The following VWC2 variants were observed in gnomAD, a reference collection of about 807,000 sequenced individuals.
VWC2 encodes the protein von Willebrand factor C domain containing 2.
VWC2 carries 14 observed loss-of-function variants against 29.8 expected under a neutral mutation model. The observed-to-expected ratio is 0.47, with a 90% CI of 0.31 to 0.74. The LOEUF (loss-of-function observed/expected upper bound fraction) is 0.74. Ranked by LOEUF, VWC2 falls within the 30% of genes least tolerant of loss-of-function variation. The pLI is 0.05. For synonymous variants in VWC2, 213 were observed against 199.0 expected, an observed-to-expected ratio of 1.07 and a Z score of -0.59; for missense variants, 457 against 459.8, an observed-to-expected ratio of 0.99 and a Z score of 0.05.
chr7:49,870,077 G>T (rs1791078049), intron 3 of VWC2, among the ~76,000 whole-genome samples: 1 of 152,162 alleles, frequency 6.6e-6, no homozygotes, highest in Non-Finnish European at 1.5e-5. Context: ...GTGTAGTACT[G>T]ATTGGGAAGG....
chr7:49,788,882 G>A (rs1291146189), intron 2 of VWC2, among the ~76,000 whole-genome samples: 1 of 148,794 alleles, frequency 6.7e-6, no homozygotes, highest in East Asian at 2.0e-4. Flanking sequence ...GGGGTGTGAG[G>A]GTGTGTGTGG....
intron 3 of VWC2, among the ~76,000 whole-genome samples, chr7:49,882,851 G>A (rs1044584722): frequency 6.6e-6 from 1 of 151,684 alleles, no homozygotes; most frequent in Non-Finnish European, 1.5e-5. Context: ...TGTGTTTTTG[G>A]GTTTTTTTTG....
At chr7:49,788,795 T>A (rs1401337729) in intron 2 of VWC2, among the ~76,000 whole-genome samples, 1 of 143,472 alleles carries the variant, frequency 7.0e-6, no homozygotes, top group African/African-American at 2.6e-5. Flanking sequence ...TGTGGGTGAG[T>A]GTGACTGTGT....
chr7:49,846,179 A>G (rs1455291232), intron 3 of VWC2, among the ~76,000 whole-genome samples: 3 of 152,170 alleles, frequency 2.0e-5, no homozygotes, highest in African/African-American at 2.4e-5. Flanking sequence ...ATATGAATCC[A>G]CCCCATTTCC....
At position 49,920,104 on chromosome 7, in the gene VWC2, G is replaced by A. The variant is rs1793953427; in HGVS notation, c.*7919G>A. On this transcript the variant is annotated 3_prime_UTR_variant, in exon 4 of 4. Coordinates refer to ENST00000340652, the MANE Select transcript of VWC2 (RefSeq NM_198570.5). ...ACAAATCATGTTATTATAATAACCA[G>A]GAGAGAAAATAAAAGGAGACATTAA... The A allele has an allele frequency of 6.6e-6, 1 of 151,634 alleles. No individual in the cohort carries two copies. The highest frequency in any genetic ancestry group is 2.1e-4 in the South Asian group (1 of 4,826). The allele number at this position is 151,634 out of a possible 1,614,324, so 9.4% of individuals were successfully genotyped here.
chr7:49,910,545 G>C (rs890170076), intron 3 of VWC2, among the ~76,000 whole-genome samples: 1 of 151,972 alleles, frequency 6.6e-6, no homozygotes. Flanking sequence ...AGGTAGAGCA[G>C]TTGCTCATAG....
intron 3 of VWC2, among the ~76,000 whole-genome samples, chr7:49,875,956 G>A (rs1424178974): frequency 7.2e-5 from 11 of 152,104 alleles, no homozygotes; most frequent in South Asian, 2.1e-4. Context: ...AGAATGAGTC[G>A]AAGAAATTGG....
At position 49,775,328 on chromosome 7, in the gene VWC2, C is replaced by T; in HGVS notation, c.-103-5C>T. ...GGCTCAGTTGTGCTGCTGTTCTCTC[C>T]GCAGGGACGGCGGCTCCCGGCTGGC... On this transcript the variant is annotated splice_region_variant and splice_polypyrimidine_tract_variant and intron_variant, in intron 1 of 3. Coordinates refer to ENST00000340652, the MANE Select transcript of VWC2 (RefSeq NM_198570.5). 1 of 883,434 alleles carries T rather than the reference C, an allele frequency of 1.1e-6. No individual in the cohort carries two copies. The highest frequency in any genetic ancestry group is 1.5e-6 in the Non-Finnish European group (1 of 659,286). 54.7% of individuals were successfully genotyped at this position (883,434 alleles called of 1,614,324 possible).
intron 3 of VWC2, among the ~76,000 whole-genome samples, chr7:49,824,546 A>G (rs748316219): frequency 3.3e-5 from 5 of 152,136 alleles, no homozygotes; most frequent in East Asian, 3.8e-4. Flanking sequence ...TAACCTTTGC[A>G]TTTTCAGCAT....
chr7:49,822,580 G>T (rs938296451), intron 3 of VWC2, among the ~76,000 whole-genome samples: 2 of 151,936 alleles, frequency 1.3e-5, no homozygotes, highest in Non-Finnish European at 2.9e-5. Flanking sequence ...CTGGGATTAC[G>T]GTCACCCACC....
In VWC2 at chr7:49,776,052, A is replaced by T; in HGVS notation, c.617A>T (p.Gln206Leu). 1.3e-6 allele frequency: 2 copies of T among 1,553,334 alleles called. No individual in the cohort carries two copies. The highest frequency in any genetic ancestry group is 1.7e-6 in the Non-Finnish European group (2 of 1,155,202). Residue 206 changes from glutamine (Q) to leucine (L), a missense_variant, in exon 2 of 4, where the codon CAG becomes CTG. Around this residue, in one of 2 missense-constraint regions of VWC2, gnomAD observed 185 missense variants for 257.1 expected, o/e 0.72. Transcript: ENST00000340652. ...HPRCIHVDTS[Q>L]CCPQCKERKN... Reference sequence around the variant, plus strand: ...CGCTGCATCCACGTCGACACGAGCCAGTGCTGCCCGCAGTGCAAGGAGAGG... The same window carrying T: ...CGCTGCATCCACGTCGACACGAGCCTGTGCTGCCCGCAGTGCAAGGAGAGG...
Position 49,911,381 on chromosome 7 carries a change from C to T in VWC2, c.827-653C>T, listed in dbSNP as rs1277780716. The stretch of plus-strand genomic sequence containing the variant: ...CCTATAGTCCCAGCTACTCTGGAGG[C>T]TGCGGCAGGAGAATCGCTTGAACCC... On this transcript the variant is annotated intron_variant, in intron 3 of 3. Coordinates refer to ENST00000340652, the MANE Select transcript of VWC2 (RefSeq NM_198570.5). Among the ~76,000 whole-genome samples, 3 of 148,534 alleles carry T rather than the reference C, an allele frequency of 2.0e-5. No individual in the cohort carries two copies. The East Asian group carries it at 6.0e-4, about 30-fold the overall frequency.
chr7:49,777,324 G>A (rs1788074659), intron 2 of VWC2, among the ~76,000 whole-genome samples: 1 of 152,218 alleles, frequency 6.6e-6, no homozygotes, highest in Admixed American at 6.5e-5. Flanking sequence ...TGAAGCCCAT[G>A]TAATTACTGA....
intron 3 of VWC2, among the ~76,000 whole-genome samples, chr7:49,803,835 CAT>C (rs1291369916): frequency 6.6e-6 from 1 of 152,150 alleles, no homozygotes; most frequent in Non-Finnish European, 1.5e-5. Flanking sequence ...CATGAGGTTC[CAT>C]GGGTACCTTC....
intron 3 of VWC2, among the ~76,000 whole-genome samples, chr7:49,894,887 G>A (rs985638664): frequency 2.0e-5 from 3 of 152,250 alleles, no homozygotes; most frequent in Non-Finnish European, 4.4e-5. Flanking sequence ...TAGGGCAGCA[G>A]TAGGCGCCGA....
intron 3 of VWC2, among the ~76,000 whole-genome samples, chr7:49,878,125 T>C (rs1056367722): frequency 1.3e-5 from 2 of 152,110 alleles, no homozygotes; most frequent in African/African-American, 4.8e-5. Context: ...TGTTAATTGG[T>C]GCTTCTACCC....
At chr7:49,829,057 GT>G in intron 3 of VWC2, among the ~76,000 whole-genome samples, 1 of 152,316 alleles carries the variant, frequency 6.6e-6, no homozygotes, top group African/African-American at 2.4e-5. Context: ...CCGCTTCCCA[GT>G]GGTCCCCTGA....
chr7:49,775,607 C>G lies in VWC2; in HGVS notation c.172C>G (p.Arg58Gly). 6.5e-7 allele frequency: 1 copy of G among 1,531,890 alleles called. No individual in the cohort carries two copies. Among genetic ancestry groups the G allele is most frequent in the Non-Finnish European group, 8.8e-7 (1 of 1,141,854 alleles). 94.9% of individuals were successfully genotyped at this position (1,531,890 alleles called of 1,614,324 possible). ...REHASRDGPG[R>G]VNELGRPARD... Reference sequence around the variant, plus strand: ...GCACGCCTCTCGGGACGGCCCGGGGCGGGTGAACGAGCTCGGGCGCCCGGC... The same window carrying G: ...GCACGCCTCTCGGGACGGCCCGGGGGGGGTGAACGAGCTCGGGCGCCCGGC... Residue 58 changes from arginine to glycine, a missense_variant, in exon 2 of 4, where the codon CGG becomes GGG. Transcript: ENST00000340652.
intron 3 of VWC2, among the ~76,000 whole-genome samples, chr7:49,899,408 A>G (rs912356811): frequency 6.6e-6 from 1 of 152,044 alleles, no homozygotes. Context: ...ACCATGGGTA[A>G]CTGAAACCAT....
Sources: gnomAD v4.1 joint callset for allele counts (sites outside exome capture counted in the v4.1 genomes callset) on GRCh38, gnomAD v4.1.1 for gene constraint, gnomAD v4.1.1 regional missense constraint, MANE v1.5 for transcripts, NCBI Gene and HGNC (gene_info 2026-07-23, HGNC 2026-07-21) for gene names.